The following SEC31A variants were observed in gnomAD, a reference collection of about 807,000 sequenced individuals.
SEC31A encodes the protein SEC31 homolog A, COPII component.
Under a neutral mutation model 151.0 loss-of-function variants are expected in SEC31A, and 70 were observed. The observed-to-expected ratio is 0.46, with a 90% confidence interval of 0.38 to 0.57. The LOEUF is 0.57. Among genes scored for constraint, SEC31A ranks in the 20% least tolerant of loss-of-function variants. The pLI, the probability that SEC31A is intolerant of heterozygous loss-of-function variation, is 0.00. For missense variants in SEC31A, 1,330 were observed against 1,471.2 expected (o/e 0.90, Z 1.57); for synonymous variants, 475 against 505.9 (o/e 0.94, Z 0.82).
In SEC31A at chr4:82,851,441, T is replaced by G. The variant is rs745490982; in HGVS notation, c.2318A>C (p.Asn773Thr). 6.2e-7 allele frequency: 1 copy of G among 1,611,530 alleles called. No individual in the cohort carries two copies. The highest frequency in any genetic ancestry group is 1.7e-5 in the Admixed American group (1 of 59,496). ...IAAALAFLPDNTNQPNIMQLR... is the reference protein window; with the variant it reads ...IAAALAFLPDTTNQPNIMQLR... Reference sequence around the variant, plus strand: ...GTCAATTCTAATTACCTGGTTGGTGTTGTCAGGAAGAAAAGCCAAGGCTGC... The same window carrying G: ...GTCAATTCTAATTACCTGGTTGGTGGTGTCAGGAAGAAAAGCCAAGGCTGC... The change falls in exon 19 of 27, where the codon AAC (asparagine) becomes ACC (threonine). Residue 773 changes from asparagine to threonine, a missense_variant. Transcript: ENST00000395310.
chr4:82,858,952 T>C (rs960408226), intron 14 of SEC31A, among the ~76,000 whole-genome samples: 66 of 151,988 alleles, frequency 4.3e-4, no homozygotes, highest in Admixed American at 4.0e-3. Flanking sequence ...CCGCCCTCCT[T>C]GGCCTCCCAA....
chr4:82,897,662 C>T (rs1234226644), intron 3 of SEC31A: 2 of 152,010 alleles, frequency 1.3e-5, no homozygotes, highest in Non-Finnish European at 2.9e-5. Flanking sequence ...TTGCTTGGGC[C>T]TGGAAGACAG....
chr4:82,826,623 G>A (rs931006119), intron 24 of SEC31A, among the ~76,000 whole-genome samples: 23 of 152,368 alleles, frequency 1.5e-4, no homozygotes, highest in African/African-American at 5.5e-4. Context: ...AAAGCATTGG[G>A]ATAAGAGGCG....
At chr4:82,853,998 C>CAA (rs564365775) in intron 17 of SEC31A, among the ~76,000 whole-genome samples, 1 of 151,826 alleles carries the variant, frequency 6.6e-6, no homozygotes, top group African/African-American at 2.4e-5. Flanking sequence ...AACATTTGAA[C>CAA]AAAAAAACCC....
intron 8 of SEC31A, among the ~76,000 whole-genome samples, chr4:82,868,823 G>A (rs1281442784): frequency 6.6e-6 from 1 of 151,978 alleles, no homozygotes; most frequent in Non-Finnish European, 1.5e-5. Context: ...AGCCTCCCGA[G>A]TGGCTAGGAC....
chr4:82,850,088 T>C (rs1224714741), intron 19 of SEC31A, among the ~76,000 whole-genome samples: 1 of 149,622 alleles, frequency 6.7e-6, no homozygotes, highest in East Asian at 2.0e-4. Context: ...TTATGCTTTT[T>C]GGCCTAAAGA....
intron 23 of SEC31A, among the ~76,000 whole-genome samples, chr4:82,828,524 T>C (rs1725132510): frequency 6.6e-6 from 1 of 152,028 alleles, no homozygotes; most frequent in Non-Finnish European, 1.5e-5. Context: ...AGCATCTTAA[T>C]TTGTGCTCTA....
chr4:82,887,274 G>A (rs955740861), intron 1 of SEC31A, among the ~76,000 whole-genome samples: 13 of 152,088 alleles, frequency 8.5e-5, no homozygotes, highest in African/African-American at 3.1e-4. Context: ...GTGTAACATT[G>A]ACTGAAAAAG....
At chr4:82,869,225 T>C (rs1383421645) in intron 8 of SEC31A, among the ~76,000 whole-genome samples, 2 of 151,812 alleles carry the variant, frequency 1.3e-5, no homozygotes, top group Non-Finnish European at 2.9e-5. Flanking sequence ...GTTCATCCCA[T>C]TCTCCTGCCT....
chr4:82,878,627 G>T, intron 4 of SEC31A, 103 bp downstream of exon 4: 1 of 949,398 alleles, frequency 1.1e-6, no homozygotes. Context: ...TATAGCCACA[G>T]TTTTTTAACT....
At chr4:82,852,862 G>T (rs544660787) in intron 18 of SEC31A, among the ~76,000 whole-genome samples, 1 of 152,166 alleles carries the variant, frequency 6.6e-6, no homozygotes, top group East Asian at 1.9e-4. Flanking sequence ...AGGCCAGCAG[G>T]GGGGATGGTT....
At chr4:82,867,970 T>C (rs1303082884) in intron 8 of SEC31A, among the ~76,000 whole-genome samples, 2 of 152,224 alleles carry the variant, frequency 1.3e-5, no homozygotes, top group Non-Finnish European at 2.9e-5. Context: ...ATTAGTGATG[T>C]CCTGTCCAAT....
chr4:82,853,834 T>C (rs1731970151), intron 17 of SEC31A, 119 bp from the exon 18 acceptor site: 1 of 686,170 alleles, frequency 1.5e-6, no homozygotes, highest in South Asian at 2.2e-5. Context: ...ATGAATAGCA[T>C]AGAGAAACAA....
chr4:82,890,971 G>C (rs1406291682), intron 1 of SEC31A, 117 bp downstream of exon 1: 28 of 1,467,772 alleles, frequency 1.9e-5, no homozygotes, highest in Non-Finnish European at 2.4e-5. Flanking sequence ...ACCAGAGACC[G>C]GGCCTCAGGC....
intron 26 of SEC31A, 106 bp from the exon 27 acceptor site, chr4:82,819,359 CATT>C (rs1722824665): frequency 3.6e-6 from 3 of 844,686 alleles, no homozygotes; most frequent in Admixed American, 3.6e-5. Context: ...TTGAAACAAA[CATT>C]ATAAAAATAT....
intron 20 of SEC31A, among the ~76,000 whole-genome samples, chr4:82,846,186 G>C (rs1486781259): frequency 6.6e-6 from 1 of 151,634 alleles, no homozygotes; most frequent in Non-Finnish European, 1.5e-5. Flanking sequence ...AGTATTTTTA[G>C]TAGAGACGGG....
chr4:82,842,053 CAGTT>C (rs1729036698), intron 22 of SEC31A, 83 bp downstream of exon 22: 1 of 1,119,682 alleles, frequency 8.9e-7, no homozygotes, highest in East Asian at 2.5e-5. Flanking sequence ...AGTTTACAAA[CAGTT>C]AGAAATAATA....
At chr4:82,863,545 GT>G (rs796637739) in intron 11 of SEC31A, among the ~76,000 whole-genome samples, 153 bp from the exon 12 acceptor site, 2 of 151,938 alleles carry the variant, frequency 1.3e-5, no homozygotes, top group Admixed American at 1.3e-4. Flanking sequence ...AGAATAGTGG[GT>G]TTTTTTGTTT....
chr4:82,875,684 T>C, intron 5 of SEC31A, 43 bp downstream of exon 5: 2 of 1,162,226 alleles, frequency 1.7e-6, no homozygotes, highest in Non-Finnish European at 2.6e-6. Context: ...AGAACTACTT[T>C]TGGCTTTTTT....
Sources: allele counts gnomAD v4.1 joint callset (sites outside exome capture counted in the v4.1 genomes callset), GRCh38; gene constraint gnomAD v4.1.1; transcripts MANE v1.5; gene names NCBI Gene and HGNC (gene_info 2026-07-23, HGNC 2026-07-21).